SFI1: variants seen among roughly 807,000 people sequenced by gnomAD.
The protein encoded by SFI1 is protein SFI1 homolog.
A neutral mutation model predicts 207.5 loss-of-function variants in SFI1; 195 were observed. That is an observed-to-expected ratio of 0.94 (90% CI 0.84 to 1.06). SFI1 has a LOEUF of 1.06. Ranked by LOEUF, SFI1 falls within the 50% of genes least tolerant of loss-of-function variation. The pLI is 0.00. For missense variants in SFI1, 1,634 were observed against 1,588.0 expected (o/e 1.03, Z -0.49); for synonymous variants, 630 against 598.9 (o/e 1.05, Z -0.76).
intron 1 of SFI1, among the ~76,000 whole-genome samples, chr22:31,499,721 AT>A (rs1272756466): frequency 2.0e-5 from 3 of 152,130 alleles, no homozygotes. Context: ...CTATTGTCTT[AT>A]TTTAAGAAAT....
chr22:31,618,384 C>T lies in SFI1; in HGVS notation c.3695C>T (p.Ala1232Val). 1.2e-6 allele frequency: 2 copies of T among 1,604,242 alleles called. No homozygotes were observed. The highest frequency in any genetic ancestry group is 1.7e-6 in the Non-Finnish European group (2 of 1,174,232). The change falls in exon 33 of 33, where the codon GCC becomes GTC. Residue 1232 changes from alanine to valine, a missense_variant. Transcript: ENST00000400288. ...AQRQPIGACV[A>V]RIQALRQALC ...CGCCAGCCCATTGGCGCCTGCGTTG[C>T]CCGCATCCAGGCCCTGCGGCAGGCC... is the stretch of plus-strand genomic sequence containing the variant.
At chr22:31,578,204 C>T (rs1569362355) in intron 10 of SFI1, 178 bp from the exon 11 acceptor site, 1 of 419,236 alleles carries the variant, frequency 2.4e-6, no homozygotes, top group Non-Finnish European at 4.2e-6. Context: ...CAGTAACTGA[C>T]AGGGTTTCCC....
intron 2 of SFI1, among the ~76,000 whole-genome samples, chr22:31,515,579 C>G (rs2056377329): frequency 6.7e-6 from 1 of 149,994 alleles, no homozygotes; most frequent in Non-Finnish European, 1.5e-5. Flanking sequence ...TAGACAGGGT[C>G]TTGCTTGGTT....
chr22:31,589,664 G>A, intron 15 of SFI1, 87 bp downstream of exon 15: 1 of 1,446,354 alleles, frequency 6.9e-7, no homozygotes, highest in Admixed American at 2.4e-5. Flanking sequence ...GTGCTTTTCA[G>A]CTTCCCAGAC....
intron 1 of SFI1, among the ~76,000 whole-genome samples, chr22:31,505,132 A>G (rs2054419754): frequency 6.6e-6 from 1 of 152,188 alleles, no homozygotes; most frequent in South Asian, 2.1e-4. Context: ...GATACAAATT[A>G]TCACCAATTG....
intron 12 of SFI1, among the ~76,000 whole-genome samples, chr22:31,581,708 G>C (rs998632602): frequency 2.0e-5 from 3 of 151,870 alleles, no homozygotes; most frequent in Admixed American, 6.6e-5. Context: ...TACTTTCTTG[G>C]TGTAGGATTT....
At chr22:31,604,811 C>T in intron 19 of SFI1, 58 bp from the exon 20 acceptor site, 1 of 1,524,044 alleles carries the variant, frequency 6.6e-7, no homozygotes, top group Non-Finnish European at 9.0e-7. Flanking sequence ...CTGAGGCCTG[C>T]CTAAACAGGG....
intron 3 of SFI1, chr22:31,530,600 A>G (rs947626512): frequency 1.5e-5 from 7 of 469,980 alleles, no homozygotes; most frequent in Middle Eastern, 3.2e-4. Context: ...AGGGGCTCAC[A>G]GTGCAGAGGG....
intron 12 of SFI1, among the ~76,000 whole-genome samples, chr22:31,580,819 A>G (rs1419427451): frequency 1.3e-5 from 2 of 151,984 alleles, no homozygotes; most frequent in African/African-American, 4.8e-5. Context: ...CTGGGATTAC[A>G]GGCGTGAGTC....
chr22:31,530,383 G>A (rs1411679409), intron 3 of SFI1, among the ~76,000 whole-genome samples: 1 of 141,432 alleles, frequency 7.1e-6, no homozygotes, highest in Non-Finnish European at 1.5e-5. Flanking sequence ...CCAGCTACTC[G>A]GGAGGCTGAG....
At chr22:31,497,286 A>G (rs1262242085) in intron 1 of SFI1, 1 of 152,228 alleles carries the variant, frequency 6.6e-6, no homozygotes. Context: ...TGTAGCAAGC[A>G]GCCCTGCACC....
At chr22:31,522,311 G>A (rs897488895) in intron 2 of SFI1, among the ~76,000 whole-genome samples, 1 of 152,084 alleles carries the variant, frequency 6.6e-6, no homozygotes, top group Non-Finnish European at 1.5e-5. Flanking sequence ...ACCTGCCTCA[G>A]CCTCCCAAAG....
intron 4 of SFI1, among the ~76,000 whole-genome samples, chr22:31,531,571 C>T (rs1485705921): frequency 6.6e-6 from 1 of 152,012 alleles, no homozygotes; most frequent in Admixed American, 6.6e-5. Flanking sequence ...ACCAGCCTGG[C>T]CAACCTGGTG....
intron 12 of SFI1, among the ~76,000 whole-genome samples, chr22:31,582,242 T>A (rs76468909): frequency 2.2e-3 from 86 of 39,868 alleles, no homozygotes; most frequent in Admixed American, 2.6e-3. Flanking sequence ...ATATATTTTT[T>A]TTTTTTTTTT....
intron 9 of SFI1, 32 bp from the exon 10 acceptor site, chr22:31,575,199 G>C: frequency 6.3e-7 from 1 of 1,575,044 alleles, no homozygotes; most frequent in African/African-American, 1.4e-5. Context: ...TAACCTTAGG[G>C]GAGTAGCACT....
At chr22:31,580,616 C>T (rs2064032434) in intron 12 of SFI1, among the ~76,000 whole-genome samples, 1 of 145,126 alleles carries the variant, frequency 6.9e-6, no homozygotes, top group African/African-American at 2.5e-5. Context: ...GATCTCAGCT[C>T]ACTGCAACCT....
rs1203578014 is a variant in SFI1, at chr22:31,604,421, C to G, written c.1977+17C>G. ...GCATGGGTGGTAGGAACTGCTGCTT[C>G]CCTCCTGATCTTGCTGTGGGGACAG... On this transcript the variant is annotated intron_variant, in intron 19 of 32. Transcript: ENST00000400288. 6.7e-7 allele frequency: 1 copy of G among 1,494,300 alleles called. No homozygotes were observed. The highest frequency in any genetic ancestry group is 8.9e-7 in the Non-Finnish European group (1 of 1,123,504). The allele number at this position is 1,494,300 out of a possible 1,614,324, so 92.6% of individuals were successfully genotyped here. A position where few individuals can be genotyped will look rare whatever the true frequency, so the allele number is the denominator to read the frequency against.
intron 10 of SFI1, among the ~76,000 whole-genome samples, chr22:31,576,574 G>C (rs2063533525): frequency 6.6e-6 from 1 of 151,944 alleles, no homozygotes; most frequent in African/African-American, 2.4e-5. Context: ...ACTTGCCTCG[G>C]CCTCTTAAAG....
chr22:31,567,873 T>C (rs2062486524), intron 8 of SFI1, among the ~76,000 whole-genome samples: 1 of 152,190 alleles, frequency 6.6e-6, no homozygotes, highest in South Asian at 2.1e-4. Context: ...AACTTTAAAA[T>C]ACAATATTTT....
Sources: gnomAD v4.1 joint callset for allele counts (sites outside exome capture counted in the v4.1 genomes callset) on GRCh38, gnomAD v4.1.1 for gene constraint, MANE v1.5 for transcripts, NCBI Gene and HGNC (gene_info 2026-07-23, HGNC 2026-07-21) for gene names.